CCDC57: variants seen among roughly 807,000 people sequenced by gnomAD.
CCDC57 encodes the protein coiled-coil domain containing 57, also known as coiled-coil domain-containing protein 57.
In CCDC57, 118 loss-of-function variants were observed where a neutral mutation model predicts 118.9. The ratio of observed to expected loss-of-function variants is 0.99; its 90% CI spans 0.86 to 1.16. The LOEUF is 1.16. Ranked by LOEUF, CCDC57 falls within the 50% of genes most tolerant of loss-of-function variation. The pLI is 0.00. For synonymous variants in CCDC57, 527 were observed against 532.9 expected (o/e 0.99, Z 0.15); for missense variants, 1,300 against 1,320.7 (o/e 0.98, Z 0.24).
intron 19 of CCDC57, among the ~76,000 whole-genome samples, chr17:82,104,094 C>T (rs573740691): frequency 3.9e-5 from 6 of 152,282 alleles, no homozygotes; most frequent in South Asian, 4.1e-4. Context: ...CCTGTGACCC[C>T]GGATTCTTCT....
intron 16 of CCDC57, among the ~76,000 whole-genome samples, chr17:82,134,554 G>A (rs983248100): frequency 2.0e-5 from 3 of 152,180 alleles, no homozygotes; most frequent in Non-Finnish European, 4.4e-5. Flanking sequence ...AGCACTTTGG[G>A]AGGCTGAGGC....
chr17:82,177,646 C>A (rs2045699140), intron 11 of CCDC57, among the ~76,000 whole-genome samples: 1 of 152,214 alleles, frequency 6.6e-6, no homozygotes, highest in Non-Finnish European at 1.5e-5. Flanking sequence ...ACTCGGCTGC[C>A]TTAAGCCAAG....
chr17:82,188,540 G>A (rs1184488268), intron 7 of CCDC57, 121 bp from the exon 7 acceptor site: 6 of 1,053,626 alleles, frequency 5.7e-6, no homozygotes, highest in African/African-American at 1.6e-5. Context: ...TCTGCCTCAA[G>A]GCTTCGCAGC....
At chr17:82,109,684 C>A (rs545839616) in intron 19 of CCDC57, among the ~76,000 whole-genome samples, 4 of 151,806 alleles carry the variant, frequency 2.6e-5, no homozygotes, top group African/African-American at 9.7e-5. Context: ...GGTGAAACTC[C>A]GTCTCTACTA....
At position 82,197,083 on chromosome 17, in the gene CCDC57, C is replaced by T. The variant is rs150005342; in HGVS notation, c.516+1231G>A. Among the ~76,000 whole-genome samples the T allele has an allele frequency of 6.9e-3, 994 of 144,628 alleles. 9 individuals carry two copies. Among genetic ancestry groups the T allele is most frequent in the African/African-American group, 0.025 (949 of 38,384 alleles). 94.9% of individuals were successfully genotyped at this position (144,628 alleles called of 152,430 possible). The stretch of plus-strand genomic sequence containing the variant: ...TGACTCCTGCAGAGACGCAGCCCCT[C>T]GTGACTCCTGCACCTGCAGACACAC... On this transcript the variant is annotated intron_variant, in intron 4 of 19. Transcript: ENST00000665763.
At chr17:82,152,648 G>A (rs928583780) in intron 15 of CCDC57, among the ~76,000 whole-genome samples, 18 of 152,348 alleles carry the variant, frequency 1.2e-4, no homozygotes, top group Admixed American at 9.8e-4. Flanking sequence ...GACGGGAGCC[G>A]ACGACCTACT....
At position 82,212,424 on chromosome 17, in the gene CCDC57, CAG is replaced by C. The variant is rs1429466682; in HGVS notation, c.-211+359_-211+360del. The stretch of plus-strand genomic sequence containing the variant: ...TTTTTTTTTTTTTTTTTTAAACTCA[CAG>C]ACACTGTAAGGCTGCCTGGGCGCGG... On this transcript the variant is annotated intron_variant, in intron 1 of 19. Transcript: ENST00000665763. This position sits in a 1 kb window ranked among gnomAD's most constrained non-coding sequence, Gnocchi z 4.1. 6.7e-5 allele frequency among the ~76,000 whole-genome samples: 9 copies of C among 134,342 alleles called. No individual in the cohort carries two copies. Among genetic ancestry groups the C allele is most frequent in the South Asian group, 2.5e-4 (1 of 4,002 alleles). 88.1% of individuals were successfully genotyped at this position (134,342 alleles called of 152,430 possible). A position where few individuals can be genotyped will look rare whatever the true frequency, so the allele number is the denominator to read the frequency against.
rs755727397 is a variant in CCDC57, at chr17:82,171,697, T to G, written c.1882+4A>C. On this transcript the variant is annotated splice_donor_region_variant and intron_variant, in intron 13 of 19. Coordinates refer to ENST00000665763, the Ensembl canonical transcript of CCDC57. ...GCAAGTACCCCACTGAGACGCGGACTTACCAGTCGTCTCTGTCGAGGTGCG... is the reference window on the plus strand; with the variant it reads ...GCAAGTACCCCACTGAGACGCGGACGTACCAGTCGTCTCTGTCGAGGTGCG... The G allele has an allele frequency of 8.1e-6, 13 of 1,608,874 alleles. No individual in the cohort carries two copies. The East Asian group carries it at 2.9e-4, about 36-fold the overall frequency.
chr17:82,113,628 G>A, intron 19 of CCDC57: 1 of 717,496 alleles, frequency 1.4e-6, no homozygotes, highest in Non-Finnish European at 2.6e-6. Context: ...TTCATGTTTG[G>A]GTGAAGGGCT....
At chr17:82,138,722 G>GCCCCGGGCTA (rs2039630160) in intron 16 of CCDC57, among the ~76,000 whole-genome samples, 1 of 152,120 alleles carries the variant, frequency 6.6e-6, no homozygotes, top group Non-Finnish European at 1.5e-5. Flanking sequence ...GCCCCGGGCT[G>GCCCCGGGCTA]TGTGTGTCAG....
chr17:82,112,243 G>A, intron 19 of CCDC57: 1 of 152,448 alleles, frequency 6.6e-6, no homozygotes, highest in South Asian at 2.1e-4. Context: ...CAAAGTTCTG[G>A]GATTACAGGC....
rs535411403 is a variant in CCDC57, at chr17:82,162,068, C to T, written c.2040+1132G>A. On this transcript the variant is annotated intron_variant, in intron 14 of 19. Transcript: ENST00000665763. Reference sequence around the variant, plus strand: ...AAGCTAGAGTACAATGGCACAATCTCGGCTCACTGCAACCTCCGCCTCCTG... The same window carrying T: ...AAGCTAGAGTACAATGGCACAATCTTGGCTCACTGCAACCTCCGCCTCCTG... Among the ~76,000 whole-genome samples, 614 of 152,214 alleles carry T rather than the reference C, an allele frequency of 4.0e-3. 3 individuals carry two copies. The highest frequency in any genetic ancestry group is 0.016 in the South Asian group (78 of 4,832).
intron 19 of CCDC57, chr17:82,107,412 G>A (rs1421223233): frequency 4.3e-6 from 2 of 468,620 alleles, no homozygotes; most frequent in African/African-American, 2.0e-5. Context: ...CCTGCTGTGT[G>A]GCTTGTCACC....
At chr17:82,133,905 A>C (rs996560025) in intron 17 of CCDC57, among the ~76,000 whole-genome samples, 168 bp downstream of exon 16, 6 of 152,178 alleles carry the variant, frequency 3.9e-5, no homozygotes, top group African/African-American at 1.2e-4. Flanking sequence ...AAAACAAAAC[A>C]AAAACCCAGC....
intron 19 of CCDC57, among the ~76,000 whole-genome samples, chr17:82,115,236 C>T (rs1278918934): frequency 4.2e-5 from 6 of 142,366 alleles, no homozygotes; most frequent in Non-Finnish European, 9.0e-5. Flanking sequence ...TGATCTCCAG[C>T]GGAGGCTCCA....
At position 82,201,737 on chromosome 17, in the gene CCDC57, C is replaced by A. The variant is rs764622642; in HGVS notation, c.208G>T (p.Glu70Ter). The A allele has an allele frequency of 4.3e-6, 7 of 1,613,980 alleles. No homozygotes were observed. The highest frequency in any genetic ancestry group is 4.2e-6 in the Non-Finnish European group (5 of 1,179,864). ...AAGGCGGCGTCATAGCGCTCCAGCTCGAGGTCCCGCTCCTCCAGCACCTGA... is the reference window on the plus strand; with the variant it reads ...AAGGCGGCGTCATAGCGCTCCAGCTAGAGGTCCCGCTCCTCCAGCACCTGA... Residue 70 changes from glutamate to a stop codon, truncating the protein, a stop_gained, in exon 3 of 20, where the codon GAG becomes TAG. Transcript: ENST00000665763. LOFTEE classifies it high-confidence loss of function.
In CCDC57 at chr17:82,193,311, A is replaced by C. The variant is rs767217136; in HGVS notation, c.851+445T>G. ...ATAATCGCAGCACTTTGGGAGGCCA[A>C]GGAGGTGGGCGGGTCATTTGAGGCT... is the stretch of plus-strand genomic sequence containing the variant. On this transcript the variant is annotated intron_variant, in intron 7 of 19. Coordinates refer to ENST00000665763, the Ensembl canonical transcript of CCDC57. Among the ~76,000 whole-genome samples, 209 of 152,252 alleles carry C rather than the reference A, an allele frequency of 1.4e-3. 1 individual carries two copies. The highest frequency in any genetic ancestry group is 6.8e-3 in the Middle Eastern group (2 of 294).
Position 82,192,281 on chromosome 17 carries a change from C to T in CCDC57, c.851+1475G>A, listed in dbSNP as rs2047765073. 6.6e-6 allele frequency among the ~76,000 whole-genome samples: 1 copy of T among 152,124 alleles called. No individual in the cohort carries two copies. Among genetic ancestry groups the T allele is most frequent in the South Asian group, 2.1e-4 (1 of 4,830 alleles). Reference sequence around the variant, plus strand: ...TGATTATTTTAATGACATTTTCTTTCCTCTAGCTAGCATTACTTTAAGAAT... The same window carrying T: ...TGATTATTTTAATGACATTTTCTTTTCTCTAGCTAGCATTACTTTAAGAAT... On this transcript the variant is annotated intron_variant, in intron 7 of 19. Transcript: ENST00000665763. This position sits in a 1 kb window ranked among gnomAD's most constrained non-coding sequence, Gnocchi z 4.0.
chr17:82,111,377 CT>C (rs752590665), intron 19 of CCDC57, among the ~76,000 whole-genome samples: 3,196 of 113,220 alleles, frequency 0.028, 18 homozygotes, highest in South Asian at 0.055. Flanking sequence ...GCCTAGGGCC[CT>C]TTTTTTTTTT....
Sources: allele counts gnomAD v4.1 joint callset (sites outside exome capture counted in the v4.1 genomes callset), GRCh38; gene constraint gnomAD v4.1.1; non-coding constraint Gnocchi (gnomAD v3.1); transcripts MANE v1.5; gene names NCBI Gene and HGNC (gene_info 2026-07-23, HGNC 2026-07-21).